CHD7: variants seen among roughly 807,000 people sequenced by gnomAD.
CHD7 encodes the protein ATP-dependent chromatin remodeler CHD7.
CHD7 carries 24 observed loss-of-function variants against 307.3 expected under a neutral mutation model. The observed-to-expected ratio is 0.08, with a 90% confidence interval of 0.06 to 0.11. CHD7 has a LOEUF of 0.11. Ranked by LOEUF, CHD7 falls within the 10% of genes least tolerant of loss-of-function variation. The probability of loss-of-function intolerance (pLI) is 1.00; values close to 1 mark genes in which losing one functional copy is unlikely to be tolerated. For missense variants in CHD7, 3,106 were observed against 3,727.1 expected (o/e 0.83, Z 4.34); for synonymous variants, 1,363 against 1,349.9 (o/e 1.01, Z -0.21).
At chr8:60,791,167 T>C (rs566806808) in intron 3 of CHD7, among the ~76,000 whole-genome samples, 1 of 152,220 alleles carries the variant, frequency 6.6e-6, no homozygotes, top group Admixed American at 6.5e-5. Flanking sequence ...TCAGGTGATG[T>C]TTTGGTGGCA....
chr8:60,773,939 T>C (rs1398338587), intron 2 of CHD7, among the ~76,000 whole-genome samples: 1 of 152,236 alleles, frequency 6.6e-6, no homozygotes, highest in Non-Finnish European at 1.5e-5. Context: ...CCTGACCCTT[T>C]GAAGGCAAAA....
At chr8:60,743,585 T>A (rs1809171345) in intron 2 of CHD7, among the ~76,000 whole-genome samples, 1 of 152,274 alleles carries the variant, frequency 6.6e-6, no homozygotes, top group Non-Finnish European at 1.5e-5. Flanking sequence ...CTTATTTTAC[T>A]AACTGTTGAC....
intron 2 of CHD7, among the ~76,000 whole-genome samples, chr8:60,769,777 C>T (rs1810629262): frequency 6.6e-6 from 1 of 152,088 alleles, no homozygotes; most frequent in Admixed American, 6.5e-5. Flanking sequence ...TTCAGTGATT[C>T]AAGGAAATAC....
chr8:60,790,589 G>T (rs1196300094), intron 3 of CHD7, among the ~76,000 whole-genome samples: 3 of 152,094 alleles, frequency 2.0e-5, no homozygotes, highest in Non-Finnish European at 4.4e-5. Flanking sequence ...AGTAGTGCCT[G>T]GTACATACCC....
At chr8:60,679,438 T>TGC (rs1805453169) in intron 1 of CHD7, 1 of 76,692 alleles carries the variant, frequency 1.3e-5, no homozygotes, top group Non-Finnish European at 2.4e-5. Context: ...GCTGCCGGCG[T>TGC]GGGGGGGGGG....
intron 15 of CHD7, among the ~76,000 whole-genome samples, chr8:60,832,734 T>C (rs543707040): frequency 6.6e-6 from 1 of 152,324 alleles, no homozygotes; most frequent in East Asian, 1.9e-4. Context: ...GGTCATATGT[T>C]AATTATATGC....
chr8:60,715,732 C>T (rs1292625690), intron 1 of CHD7, among the ~76,000 whole-genome samples: 2 of 151,964 alleles, frequency 1.3e-5, no homozygotes, highest in Admixed American at 1.3e-4. Context: ...AGCAGGGTTT[C>T]TCCTGTATAT....
intron 2 of CHD7, among the ~76,000 whole-genome samples, chr8:60,754,840 G>A (rs1369929664): frequency 6.6e-6 from 1 of 152,178 alleles, no homozygotes; most frequent in Non-Finnish European, 1.5e-5. Context: ...TAGCATGCAA[G>A]AAGTTCATCC....
At chr8:60,688,795 G>T (rs879720505) in intron 1 of CHD7, among the ~76,000 whole-genome samples, 5 of 152,168 alleles carry the variant, frequency 3.3e-5, no homozygotes, top group Non-Finnish European at 5.9e-5. Flanking sequence ...GTGTAGGCAT[G>T]TTTGATCAGC....
At chr8:60,753,664 A>G (rs1053774257) in intron 2 of CHD7, among the ~76,000 whole-genome samples, 2 of 151,522 alleles carry the variant, frequency 1.3e-5, no homozygotes, top group Non-Finnish European at 3.0e-5. Flanking sequence ...TCTGTCGCCC[A>G]GGAGATGGAG....
chr8:60,797,810 G>A (rs960843952), intron 4 of CHD7, among the ~76,000 whole-genome samples: 1 of 152,208 alleles, frequency 6.6e-6, no homozygotes, highest in Non-Finnish European at 1.5e-5. Flanking sequence ...GTGAGGAATG[G>A]TAAAGTGGGC....
rs1051939175 is a variant in CHD7, at chr8:60,867,024, G to C, written c.*1091G>C. On this transcript the variant is annotated 3_prime_UTR_variant, in exon 38 of 38. Transcript: ENST00000423902. ...TTTCTTGATATATCCTCTTATACTA[G>C]ATTAGCTTTTGGTAAGACACTAAAC... 2.0e-5 allele frequency: 3 copies of C among 151,942 alleles called. No individual in the cohort carries two copies. Among genetic ancestry groups the C allele is most frequent in the Non-Finnish European group, 2.9e-5 (2 of 68,010 alleles). 9.4% of individuals were successfully genotyped at this position (151,942 alleles called of 1,614,324 possible).
At position 60,714,663 on chromosome 8, in the gene CHD7, T is replaced by C. The variant is rs188717905; in HGVS notation, c.-174-26596T>C. On this transcript the variant is annotated intron_variant, in intron 1 of 37. Transcript: ENST00000423902. ...GGTGCTGCACAGGCCACGCCCTCTG[T>C]TCCGAGCCCTTCTTGCCACCTGCCC... is the stretch of plus-strand genomic sequence containing the variant. Among the ~76,000 whole-genome samples, 232 of 152,244 alleles carry C rather than the reference T, an allele frequency of 1.5e-3. 2 individuals carry two copies. Among genetic ancestry groups the C allele is most frequent in the African/African-American group, 5.2e-3 (218 of 41,568 alleles).
At chr8:60,814,811 A>G (rs1489609073) in intron 7 of CHD7, among the ~76,000 whole-genome samples, 1 of 152,256 alleles carries the variant, frequency 6.6e-6, no homozygotes, top group Non-Finnish European at 1.5e-5. Flanking sequence ...CCCAGAAATA[A>G]TAAATACAGG....
In CHD7 at chr8:60,705,414, T is replaced by C. The variant is rs543878933; in HGVS notation, c.-175+26332T>C. ...AGGTATGAATGCATAAACATGCTTA[T>C]TTGTTCTTTCACAGTACTCGTTTGA... On this transcript the variant is annotated intron_variant, in intron 1 of 37. Coordinates refer to ENST00000423902, the MANE Select transcript of CHD7 (RefSeq NM_017780.4). Among the ~76,000 whole-genome samples, 29 of 152,344 alleles carry C rather than the reference T, an allele frequency of 1.9e-4. No individual in the cohort carries two copies. In the South Asian group the frequency reaches 5.8e-3, roughly 30 times the overall value.
intron 9 of CHD7, among the ~76,000 whole-genome samples, chr8:60,820,581 ACT>A (rs995372671): frequency 2.0e-5 from 3 of 152,054 alleles, no homozygotes; most frequent in African/African-American, 7.3e-5. Flanking sequence ...GCTTTGCAAA[ACT>A]CTGTAAGATT....
intron 19 of CHD7, 76 bp from the exon 20 acceptor site, chr8:60,841,568 A>C: frequency 9.0e-7 from 1 of 1,113,948 alleles, no homozygotes; most frequent in Non-Finnish European, 1.4e-6. Flanking sequence ...CGGAGCAAAT[A>C]CATAAACAAA....
Position 60,745,859 on chromosome 8 carries a change from C to G in CHD7, c.1665+2762C>G, listed in dbSNP as rs143232726. Among the ~76,000 whole-genome samples, 202 of 152,174 alleles carry G rather than the reference C, an allele frequency of 1.3e-3. 1 individual carries two copies. Among genetic ancestry groups the G allele is most frequent in the African/African-American group, 4.7e-3 (194 of 41,502 alleles). On this transcript the variant is annotated intron_variant, in intron 2 of 37. Coordinates refer to ENST00000423902, the MANE Select transcript of CHD7 (RefSeq NM_017780.4). ...ATTAGTTAAGCAGGAAAAATAGCAC[C>G]CAGCACAAAGGGTGTTAGATTAAGT...
At chr8:60,842,908 G>A (rs115524295) in intron 21 of CHD7, among the ~76,000 whole-genome samples, 3 of 152,058 alleles carry the variant, frequency 2.0e-5, no homozygotes, top group East Asian at 1.9e-4. Context: ...CCTTCAGTGC[G>A]CCACGCTCCA....
Sources: allele counts gnomAD v4.1 joint callset (sites outside exome capture counted in the v4.1 genomes callset), GRCh38; gene constraint gnomAD v4.1.1; transcripts MANE v1.5; gene names NCBI Gene and HGNC (gene_info 2026-07-23, HGNC 2026-07-21).